ALS2: variants seen among roughly 807,000 people sequenced by gnomAD.
The protein encoded by ALS2 is alsin Rho guanine nucleotide exchange factor ALS2.
In ALS2, 117 loss-of-function variants were observed where a neutral mutation model predicts 203.4. The observed-to-expected ratio is 0.58, with a 90% CI of 0.50 to 0.67. The LOEUF is 0.67. Among genes scored for constraint, ALS2 ranks in the 30% least tolerant of loss-of-function variants. The probability of loss-of-function intolerance (pLI) is 0.00; values close to 1 mark genes in which losing one functional copy is unlikely to be tolerated. For missense variants in ALS2, 1,715 were observed against 1,989.4 expected (o/e 0.86, Z 2.62); for synonymous variants, 718 against 725.9 (o/e 0.99, Z 0.17).
At chr2:201,737,183 T>TA (rs1691925965) in intron 12 of ALS2, among the ~76,000 whole-genome samples, 1 of 152,198 alleles carries the variant, frequency 6.6e-6, no homozygotes, top group Non-Finnish European at 1.5e-5. Flanking sequence ...CAACTATTTA[T>TA]ATAGCATTTA....
At chr2:201,703,554 G>A (rs1390803960) in intron 33 of ALS2, among the ~76,000 whole-genome samples, 3 of 152,014 alleles carry the variant, frequency 2.0e-5, no homozygotes, top group Admixed American at 2.0e-4. Flanking sequence ...AAGTGTTTTT[G>A]CACTTTCTAT....
Position 201,701,936 on chromosome 2 carries a change from T to C in ALS2, c.4936-47A>G, listed in dbSNP as rs777303707. On this transcript the variant is annotated intron_variant, in intron 33 of 33. Transcript: ENST00000264276. Reference sequence around the variant, plus strand: ...ATTTCAAATTCACTTTTAAAGAAATTACATAAAGAGAGCAATGCATATGGG... The same window carrying C: ...ATTTCAAATTCACTTTTAAAGAAATCACATAAAGAGAGCAATGCATATGGG... The C allele has an allele frequency of 3.2e-6, 5 of 1,584,974 alleles. No individual in the cohort carries two copies. The Admixed American group carries it at 8.4e-5, about 27-fold the overall frequency.
chr2:201,759,502 C>T, intron 4 of ALS2: 2 of 972,686 alleles, frequency 2.1e-6, no homozygotes. Context: ...CACATTGTTA[C>T]TAGCATAAGT....
In ALS2 at chr2:201,761,421, C is replaced by G. The variant is rs545675596; in HGVS notation, c.573G>C (p.Lys191Asn). The G allele has an allele frequency of 4.4e-6, 7 of 1,607,690 alleles. No homozygotes were observed. In the South Asian group the frequency reaches 7.7e-5, roughly 18 times the overall value. ...CAGCAAGATGTTCTACCTTTTGCGG[C>G]TTTGTCACTGGGAAGGCAGTGGTAA... ...GLITTAFPVT[K>N]PQKVEHLAGR... The change falls in exon 4 of 34, where the codon AAG becomes AAC. Residue 191 changes from lysine (K) to asparagine (N), a missense_variant. Coordinates refer to ENST00000264276, the MANE Select transcript of ALS2 (RefSeq NM_020919.4).
rs749313635 is a variant in ALS2 at position 201,701,298 on chromosome 2, T to G, written c.*553A>C. 6.5e-6 allele frequency: 1 copy of G among 152,912 alleles called. No individual in the cohort carries two copies. The highest frequency in any genetic ancestry group is 1.5e-5 in the Non-Finnish European group (1 of 68,276). The allele number at this position is 152,912 out of a possible 1,614,324, so 9.5% of individuals were successfully genotyped here. ...GAAACAGCTTAGAAAAAGTTAAAAC[T>G]GCAGTTTAAAAGTTCCTTTCTCCCC... On this transcript the variant is annotated 3_prime_UTR_variant, in exon 34 of 34. Transcript: ENST00000264276.
At chr2:201,732,055 T>G (rs1691592520) in intron 13 of ALS2, among the ~76,000 whole-genome samples, 1 of 152,004 alleles carries the variant, frequency 6.6e-6, no homozygotes, top group Admixed American at 6.6e-5. Flanking sequence ...CATATTGAGG[T>G]GAAAGCTGTA....
At chr2:201,701,959 G>A in intron 33 of ALS2, 70 bp from the exon 34 acceptor site, 2 of 1,404,964 alleles carry the variant, frequency 1.4e-6, no homozygotes, top group South Asian at 2.3e-5. Context: ...CAATGCATAT[G>A]GGACTAAAGA....
At chr2:201,715,524 T>TAAAG in intron 25 of ALS2, 148 bp downstream of exon 25, 2 of 888,678 alleles carry the variant, frequency 2.3e-6, no homozygotes, top group Non-Finnish European at 3.5e-6. Flanking sequence ...CAACAGAAGA[T>TAAAG]AAAGAAAGTG....
At chr2:201,702,868 C>A (rs1034120327) in intron 33 of ALS2, among the ~76,000 whole-genome samples, 4 of 152,308 alleles carry the variant, frequency 2.6e-5, no homozygotes, top group East Asian at 3.9e-4. Context: ...GTAATCCCAG[C>A]GTTTTGGGAG....
At chr2:201,707,060 C>G in intron 28 of ALS2, 38 bp from the exon 29 acceptor site, 2 of 1,571,678 alleles carry the variant, frequency 1.3e-6, no homozygotes, top group Non-Finnish European at 1.7e-6. Context: ...GAGCATTTTT[C>G]ATATTAAAAT....
At chr2:201,739,227 C>A in intron 11 of ALS2, among the ~76,000 whole-genome samples, 2 of 76,018 alleles carry the variant, frequency 2.6e-5, no homozygotes. Flanking sequence ...CAGGATACGA[C>A]TGTCTCCCAA....
At chr2:201,756,342 T>C (rs1693388089) in intron 5 of ALS2, among the ~76,000 whole-genome samples, 3 of 151,740 alleles carry the variant, frequency 2.0e-5, no homozygotes, top group South Asian at 4.1e-4. Context: ...TAATCATGAC[T>C]TAAGTTTTAT....
At chr2:201,771,534 TTAAG>T in intron 1 of ALS2, among the ~76,000 whole-genome samples, 1 of 152,316 alleles carries the variant, frequency 6.6e-6, no homozygotes, top group East Asian at 1.9e-4. Flanking sequence ...CCTCATATAC[TTAAG>T]TAAGGGTGGT....
intron 6 of ALS2, among the ~76,000 whole-genome samples, chr2:201,753,731 T>C (rs1340390239): frequency 2.0e-5 from 3 of 152,242 alleles, no homozygotes; most frequent in East Asian, 1.9e-4. Flanking sequence ...TATATGTGAA[T>C]AGACATAGTC....
At chr2:201,725,306 C>T (rs1358210824) in intron 20 of ALS2, 50 bp downstream of exon 20, 1 of 1,489,172 alleles carries the variant, frequency 6.7e-7, no homozygotes, top group South Asian at 1.1e-5. Context: ...TTCAGGTTTA[C>T]ATGGTTATAT....
chr2:201,705,294 T>C (rs1415687434), intron 30 of ALS2, 94 bp from the exon 31 acceptor site: 1 of 1,475,720 alleles, frequency 6.8e-7, no homozygotes, highest in Non-Finnish European at 9.5e-7. Flanking sequence ...TCTTTGGTAA[T>C]AACAGATGCA....
At chr2:201,749,526 T>C (rs1349714817) in intron 8 of ALS2, among the ~76,000 whole-genome samples, 186 bp downstream of exon 8, 2 of 152,200 alleles carry the variant, frequency 1.3e-5, no homozygotes, top group South Asian at 2.1e-4. Context: ...TATAAACACA[T>C]AAAAAACGGA....
chr2:201,772,850 ATTTTTTT>A (rs578253808), intron 1 of ALS2, among the ~76,000 whole-genome samples: 4 of 108,826 alleles, frequency 3.7e-5, no homozygotes, highest in East Asian at 2.9e-4. Flanking sequence ...TGCTTTCATG[ATTTTTTT>A]TTTTTTTTTT....
chr2:201,744,256 A>G lies in ALS2; in HGVS notation c.2170+2T>C. On this transcript the variant is annotated splice_donor_variant, in intron 10 of 33. Transcript: ENST00000264276. LOFTEE classifies it high-confidence loss of function. ...GGTGGGAGAGAGGGGGTTGCAACTT[A>G]CCTAAACTGAGAAGAGGCCTGAGAA... 1 of 1,613,772 alleles carries G rather than the reference A, an allele frequency of 6.2e-7. No homozygotes were observed.
Sources: gnomAD v4.1 joint callset for allele counts (sites outside exome capture counted in the v4.1 genomes callset) on GRCh38, gnomAD v4.1.1 for gene constraint, MANE v1.5 for transcripts, NCBI Gene and HGNC (gene_info 2026-07-23, HGNC 2026-07-21) for gene names.